GPR137C: variants seen among roughly 807,000 people sequenced by gnomAD.
The protein encoded by GPR137C is G protein-coupled receptor 137C.
In GPR137C, 27 loss-of-function variants were observed where a neutral mutation model predicts 43.4. The ratio of observed to expected loss-of-function variants is 0.62; its 90% CI spans 0.46 to 0.86. The LOEUF (loss-of-function observed/expected upper bound fraction) is 0.86. Ranked by LOEUF, GPR137C falls within the 40% of genes least tolerant of loss-of-function variation. GPR137C has a pLI of 0.00. For missense variants in GPR137C, 522 were observed against 534.6 expected (o/e 0.98, Z 0.23); for synonymous variants, 285 against 226.9 (o/e 1.26, Z -2.30).
intron 1 of GPR137C, among the ~76,000 whole-genome samples, chr14:52,556,768 T>C (rs573083694): frequency 6.6e-6 from 1 of 152,174 alleles, no homozygotes; most frequent in Admixed American, 6.5e-5. Context: ...AACCTGCACA[T>C]GAACCTCCTG....
Position 52,637,327 on chromosome 14 carries a change from T to A in GPR137C, c.*2212T>A, listed in dbSNP as rs537364035. ...GTTTATAAAATCAAAGGGCTACCGATTCCCTGTTCATCCTGCACTGAAGCA... is the reference window on the plus strand; with the variant it reads ...GTTTATAAAATCAAAGGGCTACCGAATCCCTGTTCATCCTGCACTGAAGCA... On this transcript the variant is annotated 3_prime_UTR_variant, in exon 7 of 7. Coordinates refer to ENST00000321662, the MANE Select transcript of GPR137C (RefSeq NM_001099652.2). The A allele has an allele frequency of 2.0e-5, 3 of 152,166 alleles. No homozygotes were observed. Among genetic ancestry groups the A allele is most frequent in the African/African-American group, 7.2e-5 (3 of 41,462 alleles). The allele number at this position is 152,166 out of a possible 1,614,324, so 9.4% of individuals were successfully genotyped here.
chr14:52,625,550 T>C (rs1215096470), intron 3 of GPR137C, among the ~76,000 whole-genome samples: 1 of 76,708 alleles, frequency 1.3e-5, no homozygotes, highest in Non-Finnish European at 2.7e-5. Context: ...TTTTTTTTTT[T>C]TTTTTTTTTT....
At chr14:52,597,907 G>A (rs2038875919) in intron 1 of GPR137C, among the ~76,000 whole-genome samples, 1 of 152,122 alleles carries the variant, frequency 6.6e-6, no homozygotes, top group South Asian at 2.1e-4. Flanking sequence ...TCATATTTAA[G>A]CAAGAAGTTC....
At chr14:52,576,560 T>G (rs534158027) in intron 1 of GPR137C, among the ~76,000 whole-genome samples, 9 of 152,344 alleles carry the variant, frequency 5.9e-5, no homozygotes, top group African/African-American at 2.2e-4. Flanking sequence ...CATTAAGTTG[T>G]ACTGAAAGAG....
At position 52,553,265 on chromosome 14, in the gene GPR137C, G is replaced by T; in HGVS notation, c.118G>T (p.Ala40Ser). The T allele has an allele frequency of 7.1e-7, 1 of 1,403,010 alleles. No homozygotes were observed. The highest frequency in any genetic ancestry group is 1.5e-5 in the South Asian group (1 of 67,250). 86.9% of individuals were successfully genotyped at this position (1,403,010 alleles called of 1,614,324 possible). ...GGAVAAASGA[A>S]VPGSVQLALS... ...CGCCGTCGCTGCAGCCTCAGGCGCC[G>T]CGGTGCCGGGCTCCGTGCAGTTGGC... Residue 40 changes from alanine to serine, a missense_variant, in exon 1 of 7, where the codon GCG (alanine) becomes TCG (serine). Ala to Ser is a moderately conservative substitution (Grantham distance 99). Transcript: ENST00000321662.
chr14:52,559,115 C>T (rs181376238), intron 1 of GPR137C, among the ~76,000 whole-genome samples: 106 of 152,288 alleles, frequency 7.0e-4, no homozygotes, highest in African/African-American at 2.3e-3. Context: ...CAGTGGCTCA[C>T]GCCTCTAATC....
At chr14:52,568,460 C>T (rs1031310382) in intron 1 of GPR137C, among the ~76,000 whole-genome samples, 1 of 152,052 alleles carries the variant, frequency 6.6e-6, no homozygotes, top group African/African-American at 2.4e-5. Context: ...AACAACCGTT[C>T]ACTCCCCTGG....
rs76476332 is a variant in GPR137C, at chr14:52,618,646, G to A, written c.718-13514G>A. Among the ~76,000 whole-genome samples, 644 of 152,128 alleles carry A rather than the reference G, an allele frequency of 4.2e-3. 10 individuals carry two copies. Among genetic ancestry groups the A allele is most frequent in the Admixed American group, 0.035 (532 of 15,258 alleles). On this transcript the variant is annotated intron_variant, in intron 3 of 6. Coordinates refer to ENST00000321662, the MANE Select transcript of GPR137C (RefSeq NM_001099652.2). ...AGTTATAAATCAATGAAGTAAATAT[G>A]CTTTTTATCAGAATTATAACTTTTA...
chr14:52,588,996 T>C (rs931215263), intron 1 of GPR137C, among the ~76,000 whole-genome samples: 1 of 152,324 alleles, frequency 6.6e-6, no homozygotes, highest in Non-Finnish European at 1.5e-5. Context: ...TGTCCATTGA[T>C]TGATGAATGG....
intron 3 of GPR137C, chr14:52,613,695 T>A (rs536981987): frequency 5.3e-4 from 154 of 293,178 alleles, no homozygotes; most frequent in South Asian, 3.6e-3. Flanking sequence ...TTCTTTCTTA[T>A]GGCTGAATAG....
At chr14:52,602,891 C>T (rs758882805) in intron 3 of GPR137C, among the ~76,000 whole-genome samples, 4 of 151,966 alleles carry the variant, frequency 2.6e-5, no homozygotes, top group Non-Finnish European at 5.9e-5. Flanking sequence ...TACATGTATA[C>T]AATATGTAAT....
chr14:52,595,669 A>C (rs944710155), intron 1 of GPR137C, among the ~76,000 whole-genome samples: 3 of 152,180 alleles, frequency 2.0e-5, no homozygotes, highest in Non-Finnish European at 2.9e-5. Flanking sequence ...CAGCTCCATC[A>C]GGTCATTTAA....
At chr14:52,558,821 G>A (rs1261086053) in intron 1 of GPR137C, among the ~76,000 whole-genome samples, 2 of 151,960 alleles carry the variant, frequency 1.3e-5, no homozygotes, top group Non-Finnish European at 2.9e-5. Context: ...CAGTTAAAAA[G>A]AAATAAGTGA....
In GPR137C at chr14:52,633,632, G is replaced by T; in HGVS notation, c.970G>T (p.Ala324Ser). The change falls in exon 5 of 7, where the codon GCA becomes TCA. Residue 324 changes from alanine to serine, a missense_variant. This residue lies in a region of GPR137C where 437 missense variants were observed against 425.7 expected (regional missense o/e 1.03). Coordinates refer to ENST00000321662, the MANE Select transcript of GPR137C (RefSeq NM_001099652.2). ...PAWSVVLFFR[A>S]QRLNQNLAPA... is the part of the protein sequence containing the mutation. Reference sequence around the variant, plus strand: ...ATGGTCGGTGGTACTGTTTTTCCGGGCACAGAGATTAAACCAGAATTTGGT... The same window carrying T: ...ATGGTCGGTGGTACTGTTTTTCCGGTCACAGAGATTAAACCAGAATTTGGT... 6.2e-7 allele frequency: 1 copy of T among 1,613,014 alleles called. No individual in the cohort carries two copies. The highest frequency in any genetic ancestry group is 8.5e-7 in the Non-Finnish European group (1 of 1,179,298).
chr14:52,568,281 A>G (rs1361611836), intron 1 of GPR137C, among the ~76,000 whole-genome samples: 2 of 152,116 alleles, frequency 1.3e-5, no homozygotes, highest in Non-Finnish European at 2.9e-5. Flanking sequence ...CTCAGATACT[A>G]TGCTTTTTCC....
intron 1 of GPR137C, among the ~76,000 whole-genome samples, chr14:52,569,196 G>T: frequency 6.6e-6 from 1 of 152,170 alleles, no homozygotes. Flanking sequence ...CACCGGAGGG[G>T]CCTGACTGTT....
chr14:52,612,963 G>A (rs2039054664), intron 3 of GPR137C: 1 of 151,522 alleles, frequency 6.6e-6, no homozygotes, highest in South Asian at 2.1e-4. Flanking sequence ...ATATTTTTGG[G>A]CCAGGCGCAG....
At chr14:52,581,985 C>G (rs1455402250) in intron 1 of GPR137C, among the ~76,000 whole-genome samples, 1 of 152,190 alleles carries the variant, frequency 6.6e-6, no homozygotes, top group African/African-American at 2.4e-5. Context: ...CGATACACAG[C>G]TCCAGTGTAA....
At chr14:52,623,904 T>C (rs1200811003) in intron 3 of GPR137C, among the ~76,000 whole-genome samples, 1 of 151,890 alleles carries the variant, frequency 6.6e-6, no homozygotes, top group African/African-American at 2.4e-5. Context: ...TTCATTATCA[T>C]TAAGTACATT....
Sources: allele counts gnomAD v4.1 joint callset (sites outside exome capture counted in the v4.1 genomes callset), GRCh38; gene constraint gnomAD v4.1.1; regional missense constraint gnomAD v4.1.1; transcripts MANE v1.5; gene names NCBI Gene and HGNC (gene_info 2026-07-23, HGNC 2026-07-21).